AMPH: variants seen among roughly 807,000 people sequenced by gnomAD.
AMPH encodes amphiphysin.
A neutral mutation model predicts 99.1 loss-of-function variants in AMPH; 49 were observed. That is an observed-to-expected ratio of 0.49 (90% CI 0.39 to 0.63). The LOEUF (loss-of-function observed/expected upper bound fraction) is 0.63. AMPH is among the 20% of genes least tolerant of loss of function. The pLI, the probability that AMPH is intolerant of heterozygous loss-of-function variation, is 0.00. For synonymous variants in AMPH, 314 were observed against 317.3 expected, an observed-to-expected ratio of 0.99 and a Z score of 0.11; for missense variants, 759 against 863.4, an observed-to-expected ratio of 0.88 and a Z score of 1.52.
At position 38,631,334 on chromosome 7, in the gene AMPH, C is replaced by A; in HGVS notation, c.18G>T (p.Thr6=). ...TCTGGACGTTCTTGGCGAAGATGCCCGTCTTGATGTCGGCCATGGCTGCGG... is the reference window on the plus strand; with the variant it reads ...TCTGGACGTTCTTGGCGAAGATGCCAGTCTTGATGTCGGCCATGGCTGCGG... The part of the protein sequence containing the change: MADIK[T]GIFAKNVQKR... Residue 6 remains threonine (T), a synonymous_variant, in exon 1 of 21, where the codon ACG becomes ACT. Transcript: ENST00000356264. The A allele has an allele frequency of 6.4e-7, 1 of 1,557,030 alleles. No individual in the cohort carries two copies. The highest frequency in any genetic ancestry group is 2.5e-5 in the East Asian group (1 of 40,400).
chr7:38,530,262 C>T (rs1390460819), intron 2 of AMPH, among the ~76,000 whole-genome samples: 1 of 152,204 alleles, frequency 6.6e-6, no homozygotes, highest in Admixed American at 6.5e-5. Context: ...CGTGGCCCAG[C>T]TTTAAACATC....
At chr7:38,443,699 T>A (rs918732656) in intron 11 of AMPH, among the ~76,000 whole-genome samples, 20 of 152,098 alleles carry the variant, frequency 1.3e-4, no homozygotes, top group African/African-American at 4.8e-4. Flanking sequence ...ACTTCCTCAA[T>A]CTGATAAAAG....
chr7:38,456,168 G>A (rs1787224705), intron 11 of AMPH, among the ~76,000 whole-genome samples: 1 of 152,212 alleles, frequency 6.6e-6, no homozygotes, highest in Admixed American at 6.5e-5. Flanking sequence ...GGCACTTGCA[G>A]ACACTTTGTG....
In AMPH at chr7:38,433,747, G is replaced by A. The variant is rs201195077; in HGVS notation, c.1135-1535C>T. Reference sequence around the variant, plus strand: ...CTCAAAAAAAAAAAAAAAAAAAAAAGAATCAAAGATCATAAAAGCTAGTGC... The same window carrying A: ...CTCAAAAAAAAAAAAAAAAAAAAAAAAATCAAAGATCATAAAAGCTAGTGC... On this transcript the variant is annotated intron_variant, in intron 12 of 20. Transcript: ENST00000356264. Among the ~76,000 whole-genome samples the A allele has an allele frequency of 2.2e-3, 249 of 112,670 alleles. 1 individual carries two copies. Among genetic ancestry groups the A allele is most frequent in the Middle Eastern group, 9.5e-3 (2 of 210 alleles). The allele number at this position is 112,670 out of a possible 152,430, so 73.9% of individuals were successfully genotyped here.
chr7:38,522,628 G>C (rs1295066546), intron 2 of AMPH, among the ~76,000 whole-genome samples: 2 of 152,156 alleles, frequency 1.3e-5, no homozygotes, highest in African/African-American at 4.8e-5. Flanking sequence ...AGGTGGGTAT[G>C]AATCAGCCTA....
intron 9 of AMPH, 41 bp downstream of exon 9, chr7:38,465,426 C>T: frequency 6.6e-7 from 1 of 1,523,122 alleles, no homozygotes; most frequent in African/African-American, 1.4e-5. Flanking sequence ...GAAATTTTAG[C>T]AAGCAGGACA....
At chr7:38,423,386 C>CT (rs1785661350) in intron 15 of AMPH, among the ~76,000 whole-genome samples, 1 of 152,160 alleles carries the variant, frequency 6.6e-6, no homozygotes, top group Non-Finnish European at 1.5e-5. Flanking sequence ...CCTGGGAAAT[C>CT]TGCCAGCTCA....
intron 9 of AMPH, 122 bp from the exon 10 acceptor site, chr7:38,463,235 C>A: frequency 7.4e-7 from 1 of 1,355,032 alleles, no homozygotes; most frequent in East Asian, 2.4e-5. Flanking sequence ...CCTGCTCTCC[C>A]CTTCCAGGTT....
At chr7:38,509,355 C>A (rs1019252366) in intron 2 of AMPH, among the ~76,000 whole-genome samples, 5 of 152,170 alleles carry the variant, frequency 3.3e-5, no homozygotes, top group African/African-American at 1.2e-4. Context: ...TTCCAACTAT[C>A]CCTGTCACCA....
At chr7:38,473,637 G>GAGCTTGC (rs1383013079) in intron 7 of AMPH, among the ~76,000 whole-genome samples, 1 of 71,992 alleles carries the variant, frequency 1.4e-5, no homozygotes, top group Non-Finnish European at 2.5e-5. Context: ...CCGGGAAGCG[G>GAGCTTGC]AGCTTGCAGT....
At chr7:38,389,387 C>G (rs1329950229) in intron 20 of AMPH, among the ~76,000 whole-genome samples, 2 of 152,166 alleles carry the variant, frequency 1.3e-5, no homozygotes. Context: ...CAAATACATG[C>G]AGACATCCCT....
chr7:38,413,026 A>G (rs1448426986), intron 17 of AMPH, among the ~76,000 whole-genome samples: 1 of 152,174 alleles, frequency 6.6e-6, no homozygotes, highest in East Asian at 1.9e-4. Context: ...GGGGGCTGTT[A>G]TCTTTGCCTC....
At chr7:38,512,593 G>A (rs372460855) in intron 2 of AMPH, among the ~76,000 whole-genome samples, 30 of 152,260 alleles carry the variant, frequency 2.0e-4, no homozygotes, top group African/African-American at 4.8e-4. Context: ...CAACTAAAGC[G>A]GGTAACAGAA....
At chr7:38,426,540 A>C (rs1785787997) in intron 15 of AMPH, among the ~76,000 whole-genome samples, 1 of 152,208 alleles carries the variant, frequency 6.6e-6, no homozygotes, top group African/African-American at 2.4e-5. Flanking sequence ...ACATTTTCTA[A>C]AGATCCATCT....
chr7:38,464,144 G>C (rs1584125639), intron 9 of AMPH: 2 of 1,288,778 alleles, frequency 1.6e-6, no homozygotes, highest in Non-Finnish European at 2.0e-6. Context: ...TCATTAAGTG[G>C]TCATGGCCCC....
intron 2 of AMPH, among the ~76,000 whole-genome samples, chr7:38,511,243 G>A (rs559773312): frequency 8.7e-4 from 133 of 152,240 alleles, no homozygotes; most frequent in African/African-American, 3.1e-3. Flanking sequence ...AAGGGTAGGT[G>A]TTTCATAAAT....
At chr7:38,487,283 C>T (rs1788538089) in intron 5 of AMPH, among the ~76,000 whole-genome samples, 1 of 152,096 alleles carries the variant, frequency 6.6e-6, no homozygotes, top group South Asian at 2.1e-4. Context: ...TACTACAAGG[C>T]TACTGTAACC....
intron 1 of AMPH, among the ~76,000 whole-genome samples, chr7:38,600,164 TTTA>T (rs1460517170): frequency 6.6e-6 from 1 of 152,182 alleles, no homozygotes; most frequent in Non-Finnish European, 1.5e-5. Context: ...ATGCATTTAT[TTTA>T]TTATTAATTA....
chr7:38,503,806 C>A, intron 2 of AMPH, 102 bp from the exon 3 acceptor site: 1 of 1,198,052 alleles, frequency 8.3e-7, no homozygotes, highest in Admixed American at 1.8e-5. Flanking sequence ...GAAGCTCATT[C>A]TTGGAAAAAA....
Sources: allele counts gnomAD v4.1 joint callset (sites outside exome capture counted in the v4.1 genomes callset), GRCh38; gene constraint gnomAD v4.1.1; transcripts MANE v1.5; gene names NCBI Gene and HGNC (gene_info 2026-07-23, HGNC 2026-07-21).